UNC13C: variants seen among roughly 807,000 people sequenced by gnomAD.
UNC13C encodes the protein protein unc-13 homolog C.
Under a neutral mutation model 245.4 loss-of-function variants are expected in UNC13C, and 174 were observed. The ratio of observed to expected loss-of-function variants is 0.71; its 90% CI spans 0.63 to 0.80. The LOEUF (loss-of-function observed/expected upper bound fraction) is 0.80, where lower values mean the gene tolerates loss of function less well. Among genes scored for constraint, UNC13C ranks in the 30% least tolerant of loss-of-function variants. The pLI is 0.00. For synonymous variants in UNC13C, 992 were observed against 895.1 expected (o/e 1.11, Z -1.93); for missense variants, 2,829 against 2,602.9 (o/e 1.09, Z -1.89).
At chr15:54,174,694 A>G (rs994464240) in intron 4 of UNC13C, among the ~76,000 whole-genome samples, 4 of 152,210 alleles carry the variant, frequency 2.6e-5, no homozygotes, top group Non-Finnish European at 5.9e-5. Context: ...GGACCATATA[A>G]TAACTCCAAC....
intron 1 of UNC13C, among the ~76,000 whole-genome samples, chr15:53,989,154 C>T (rs984065501): frequency 2.6e-5 from 4 of 151,832 alleles, no homozygotes; most frequent in South Asian, 2.1e-4. Flanking sequence ...TGTCAGCATA[C>T]GGGTCAATAT....
At chr15:54,023,720 A>G (rs1175180484) in intron 2 of UNC13C, among the ~76,000 whole-genome samples, 1 of 152,208 alleles carries the variant, frequency 6.6e-6, no homozygotes, top group Non-Finnish European at 1.5e-5. Context: ...ATAAGACTGG[A>G]ATACCTGTAT....
At chr15:54,303,613 A>G (rs983932207) in intron 13 of UNC13C, among the ~76,000 whole-genome samples, 7 of 138,718 alleles carry the variant, frequency 5.0e-5, no homozygotes, top group East Asian at 4.4e-4. Context: ...TAAGTAAAAG[A>G]TAAGTATTTT....
intron 2 of UNC13C, among the ~76,000 whole-genome samples, chr15:54,095,309 TC>T (rs1173808448): frequency 6.6e-6 from 1 of 152,112 alleles, no homozygotes; most frequent in Admixed American, 6.6e-5. Flanking sequence ...ATCTCCTATT[TC>T]CCATAGATCG....
chr15:54,423,210 G>T (rs1031766510), intron 19 of UNC13C, among the ~76,000 whole-genome samples: 4 of 151,410 alleles, frequency 2.6e-5, no homozygotes, highest in East Asian at 1.9e-4. Context: ...CCCACTGATG[G>T]GTTGAAGCTA....
At chr15:54,096,210 T>C (rs905872028) in intron 2 of UNC13C, among the ~76,000 whole-genome samples, 2 of 152,176 alleles carry the variant, frequency 1.3e-5, no homozygotes, top group African/African-American at 4.8e-5. Context: ...GAGACTTTCA[T>C]TCAGATCTGA....
In UNC13C at chr15:54,046,147, G is replaced by A. The variant is rs1897027004; in HGVS notation, c.2983+30261G>A. 2.6e-5 allele frequency among the ~76,000 whole-genome samples: 4 copies of A among 152,076 alleles called. No homozygotes were observed. The South Asian group carries it at 6.2e-4, about 24-fold the overall frequency. ...ATTGCTACATAATACCCCTTTCTGT[G>A]GATGTAACAAAGTTTAATCCTGCCA... On this transcript the variant is annotated intron_variant, in intron 2 of 32. Coordinates refer to ENST00000260323, the MANE Select transcript of UNC13C (RefSeq NM_001080534.3).
chr15:54,274,667 C>CATTTTTTT (rs2036781026), intron 10 of UNC13C, among the ~76,000 whole-genome samples: 1 of 91,602 alleles, frequency 1.1e-5, no homozygotes, highest in Non-Finnish European at 2.0e-5. Context: ...ATAAAGTAGA[C>CATTTTTTT]TTTTTTTTTT....
chr15:54,122,350 G>A (rs2030727289), intron 2 of UNC13C, among the ~76,000 whole-genome samples: 1 of 151,744 alleles, frequency 6.6e-6, no homozygotes, highest in Admixed American at 6.6e-5. Flanking sequence ...GTTAGTTTTT[G>A]GTAGTTGTGA....
At position 54,594,609 on chromosome 15, in the gene UNC13C, GA is replaced by G. The variant is rs530063233; in HGVS notation, c.6106+26665del. Among the ~76,000 whole-genome samples, 531 of 152,182 alleles carry G rather than the reference GA, an allele frequency of 3.5e-3. 2 individuals carry two copies. Among genetic ancestry groups the G allele is most frequent in the Non-Finnish European group, 5.5e-3 (376 of 67,980 alleles). ...CATGCAGGTTGTCAGGGAAGTGGGG[GA>G]AAGTCGACCGTCACAGGCCTCACCC... On this transcript the variant is annotated intron_variant, in intron 30 of 32. Coordinates refer to ENST00000260323, the MANE Select transcript of UNC13C (RefSeq NM_001080534.3).
chr15:53,946,129 C>T, the UNC13C span, among the ~76,000 whole-genome samples: 2 of 152,014 alleles, frequency 1.3e-5, no homozygotes, highest in African/African-American at 4.8e-5. Flanking sequence ...GCTGAGGGAG[C>T]TTTTGGGCCA....
chr15:54,290,000 G>A (rs1002080815), intron 10 of UNC13C, among the ~76,000 whole-genome samples: 1 of 152,038 alleles, frequency 6.6e-6, no homozygotes, highest in Non-Finnish European at 1.5e-5. Flanking sequence ...GAATGCTCGA[G>A]AGGCTGGGCA....
chr15:54,065,136 C>T lies in UNC13C; in HGVS notation c.2983+49250C>T, dbSNP rs181866536. Among the ~76,000 whole-genome samples, 124 of 152,252 alleles carry T rather than the reference C, an allele frequency of 8.1e-4. 1 individual carries two copies. The highest frequency in any genetic ancestry group is 3.1e-3 in the East Asian group (16 of 5,180). ...GTAGGCATTTCAAATGATCTGACTA[C>T]GCAGGAGCTCACTTTCTAGCTTGGA... On this transcript the variant is annotated intron_variant, in intron 2 of 32. Transcript: ENST00000260323.
At chr15:54,158,797 A>G (rs1262431083) in intron 4 of UNC13C, among the ~76,000 whole-genome samples, 1 of 151,794 alleles carries the variant, frequency 6.6e-6, no homozygotes, top group Non-Finnish European at 1.5e-5. Flanking sequence ...CCACAGGCGC[A>G]TGCTACCACA....
intron 4 of UNC13C, among the ~76,000 whole-genome samples, chr15:54,159,860 G>A (rs528528367): frequency 9.8e-5 from 15 of 152,300 alleles, no homozygotes; most frequent in Admixed American, 3.3e-4. Flanking sequence ...TAGTGCACTA[G>A]AGAGAGGATT....
At chr15:53,954,572 T>C in the UNC13C span, among the ~76,000 whole-genome samples, 1 of 152,122 alleles carries the variant, frequency 6.6e-6, no homozygotes, top group African/African-American at 2.4e-5. Context: ...AATCCAACAT[T>C]AGATGTCACC....
chr15:54,320,628 T>A, intron 13 of UNC13C: 1 of 227,998 alleles, frequency 4.4e-6, no homozygotes, highest in Non-Finnish European at 8.7e-6. Flanking sequence ...CTGTCACCAC[T>A]GTGCCCAGCT....
Position 54,571,736 on chromosome 15 carries a change from G to A in UNC13C, c.6106+3789G>A, listed in dbSNP as rs186576190. Among the ~76,000 whole-genome samples, 1,097 of 152,238 alleles carry A rather than the reference G, an allele frequency of 7.2e-3. 20 individuals carry two copies. Among genetic ancestry groups the A allele is most frequent in the African/African-American group, 0.025 (1,046 of 41,546 alleles). On this transcript the variant is annotated intron_variant, in intron 30 of 32. Transcript: ENST00000260323. ...CCTGAGGAGCCACAGGCACAGGCTCGGTCCTATGCAGGACCAGCTGGAGTG... is the reference window on the plus strand; with the variant it reads ...CCTGAGGAGCCACAGGCACAGGCTCAGTCCTATGCAGGACCAGCTGGAGTG...
In UNC13C at chr15:54,014,135, A is replaced by G; in HGVS notation, c.1232A>G (p.His411Arg). ...GGAATCTCAACAGATATTCTAACTCATGACATCAGAGAAAGAAAAGAGAAA... is the reference window on the plus strand; with the variant it reads ...GGAATCTCAACAGATATTCTAACTCGTGACATCAGAGAAAGAAAAGAGAAA... ...GIGISTDILTHDIRERKEKGI... is the reference protein window; with the variant it reads ...GIGISTDILTRDIRERKEKGI... Residue 411 changes from histidine to arginine, a missense_variant, in exon 2 of 33, where the codon CAT (histidine) becomes CGT (arginine). His to Arg is a conservative substitution (Grantham distance 29). Coordinates refer to ENST00000260323, the MANE Select transcript of UNC13C (RefSeq NM_001080534.3). 1 of 1,613,802 alleles carries G rather than the reference A, an allele frequency of 6.2e-7. No homozygotes were observed. The highest frequency in any genetic ancestry group is 8.5e-7 in the Non-Finnish European group (1 of 1,179,828).
Sources: gnomAD v4.1 joint callset for allele counts (sites outside exome capture counted in the v4.1 genomes callset) on GRCh38, gnomAD v4.1.1 for gene constraint, MANE v1.5 for transcripts, NCBI Gene and HGNC (gene_info 2026-07-23, HGNC 2026-07-21) for gene names.